The following CATSPERD variants were observed in gnomAD, a reference collection of about 807,000 sequenced individuals.
The protein encoded by CATSPERD is cation channel sperm-associated auxiliary subunit delta.
CATSPERD carries 86 observed loss-of-function variants against 98.1 expected under a neutral mutation model. That is an observed-to-expected ratio of 0.88 (90% CI 0.74 to 1.05). The LOEUF is 1.05. Ranked by LOEUF, CATSPERD falls within the 50% of genes least tolerant of loss-of-function variation. The probability of loss-of-function intolerance (pLI) is 0.00; values close to 1 mark genes in which losing one functional copy is unlikely to be tolerated. For synonymous variants in CATSPERD, 394 were observed against 390.2 expected, an observed-to-expected ratio of 1.01 and a Z score of -0.12; for missense variants, 995 against 1,005.7, an observed-to-expected ratio of 0.99 and a Z score of 0.14.
chr19:5,776,789 G>A (rs966135476), intron 21 of CATSPERD, among the ~76,000 whole-genome samples: 7 of 151,576 alleles, frequency 4.6e-5, no homozygotes, highest in East Asian at 3.9e-4. Flanking sequence ...CAGGAGAATC[G>A]CTTGAACCCG....
intron 20 of CATSPERD, among the ~76,000 whole-genome samples, chr19:5,773,167 C>T (rs1412515357): frequency 6.6e-6 from 1 of 152,254 alleles, no homozygotes; most frequent in Non-Finnish European, 1.5e-5. Flanking sequence ...GCCTGGCTAA[C>T]ATGGCAAAAG....
intron 2 of CATSPERD, 38 bp downstream of exon 2, chr19:5,724,900 G>T (rs1054362102): frequency 1.9e-6 from 3 of 1,598,314 alleles, no homozygotes; most frequent in Admixed American, 1.7e-5. Context: ...CTTCACTTTT[G>T]TCTAAGTACA....
intron 13 of CATSPERD, among the ~76,000 whole-genome samples, chr19:5,755,891 G>A (rs2056315648): frequency 1.3e-5 from 2 of 152,160 alleles, no homozygotes; most frequent in South Asian, 4.1e-4. Context: ...TGAGGCAGGA[G>A]GATCACTTGA....
At chr19:5,748,037 C>T (rs574169323) in intron 9 of CATSPERD, 123 bp from the exon 10 acceptor site, 5 of 698,640 alleles carry the variant, frequency 7.2e-6, no homozygotes, top group African/African-American at 5.3e-5. Flanking sequence ...CTATAAGGAA[C>T]ATCGAAAGAG....
intron 7 of CATSPERD, 58 bp from the exon 8 acceptor site, chr19:5,744,369 G>T: frequency 7.1e-7 from 1 of 1,406,680 alleles, no homozygotes; most frequent in Non-Finnish European, 9.9e-7. Flanking sequence ...AAGTTAAACC[G>T]ACAAACACAT....
At chr19:5,724,543 T>C (rs1263231002) in intron 1 of CATSPERD, among the ~76,000 whole-genome samples, 3 of 151,894 alleles carry the variant, frequency 2.0e-5, no homozygotes, top group Non-Finnish European at 4.4e-5. Flanking sequence ...ACTAAAAATA[T>C]AAAAAATTAG....
At chr19:5,763,380 G>A in intron 16 of CATSPERD, 87 bp downstream of exon 16, 2 of 1,052,692 alleles carry the variant, frequency 1.9e-6, no homozygotes, top group African/African-American at 1.6e-5. Flanking sequence ...AATGAGCTGA[G>A]ATAGTGCCAC....
At chr19:5,751,476 G>A (rs2056217817) in intron 11 of CATSPERD, among the ~76,000 whole-genome samples, 171 bp from the exon 12 acceptor site, 1 of 130,824 alleles carries the variant, frequency 7.6e-6, no homozygotes, top group Non-Finnish European at 1.6e-5. Flanking sequence ...GGAGCTTGCA[G>A]TGAACCGAGA....
chr19:5,759,058 C>G (rs761710672), intron 14 of CATSPERD, 28 bp from the exon 15 acceptor site: 1 of 1,607,880 alleles, frequency 6.2e-7, no homozygotes, highest in Admixed American at 1.7e-5. Context: ...CACGGATACA[C>G]TTGGGATTTT....
At chr19:5,729,360 A>G (rs1214467001) in intron 3 of CATSPERD, among the ~76,000 whole-genome samples, 1 of 152,064 alleles carries the variant, frequency 6.6e-6, no homozygotes, top group African/African-American at 2.4e-5. Context: ...TTGGCTTCCA[A>G]AGTGCTGGGA....
At chr19:5,754,806 C>G (rs1221878774) in intron 13 of CATSPERD, among the ~76,000 whole-genome samples, 1 of 151,918 alleles carries the variant, frequency 6.6e-6, no homozygotes, top group African/African-American at 2.4e-5. Context: ...TGTGCCTCCT[C>G]CATCCTTCTG....
chr19:5,775,278 T>C (rs201593404), intron 20 of CATSPERD: 53 of 471,202 alleles, frequency 1.1e-4, no homozygotes, highest in South Asian at 8.2e-4. Context: ...AGAAGAGAGC[T>C]CCCCGCTTCT....
rs2056354036 is a variant in CATSPERD, at chr19:5,757,789, C to T, written c.1279-54C>T. Reference sequence around the variant, plus strand: ...CTGGGCTCACTGTGGGGGTTTGTCACCCCGTCCTGCCTGCTGGCTCCGTAC... The same window carrying T: ...CTGGGCTCACTGTGGGGGTTTGTCATCCCGTCCTGCCTGCTGGCTCCGTAC... On this transcript the variant is annotated intron_variant, in intron 13 of 21. Coordinates refer to ENST00000381624, the MANE Select transcript of CATSPERD (RefSeq NM_152784.4). 7.0e-6 allele frequency: 10 copies of T among 1,434,448 alleles called. No homozygotes were observed. In the South Asian group the frequency reaches 7.1e-5, roughly 10 times the overall value. The allele number at this position is 1,434,448 out of a possible 1,614,324, so 88.9% of individuals were successfully genotyped here.
intron 16 of CATSPERD, among the ~76,000 whole-genome samples, chr19:5,765,501 G>T (rs1480621353): frequency 6.6e-6 from 1 of 151,820 alleles, no homozygotes; most frequent in Non-Finnish European, 1.5e-5. Context: ...GTGTACCAGG[G>T]ATCATGCTGG....
intron 7 of CATSPERD, among the ~76,000 whole-genome samples, chr19:5,742,248 A>G (rs1410791018): frequency 5.3e-4 from 62 of 117,408 alleles, no homozygotes; most frequent in African/African-American, 1.4e-3. Context: ...ACGTATGTGA[A>G]TGTGTGTGGG....
At position 5,778,484 on chromosome 19, in the gene CATSPERD, G is replaced by A. The variant is rs768531002; in HGVS notation, c.2205G>A (p.Gly735=). The A allele has an allele frequency of 1.4e-5, 22 of 1,613,912 alleles. No homozygotes were observed. The highest frequency in any genetic ancestry group is 1.6e-5 in the Non-Finnish European group (19 of 1,180,040). The change falls in exon 22 of 22, where the codon GGG becomes GGA. Residue 735 remains glycine (G), a synonymous_variant. Transcript: ENST00000381624. ...TACTGATCATCTCCAGCATCCTGGG[G>A]TCCGTTTGGCTGGCCTACAAGACCC... ...VILLIISSIL[G]SVWLAYKTPK... is the part of the protein sequence containing the mutation.
intron 9 of CATSPERD, among the ~76,000 whole-genome samples, chr19:5,747,423 C>T (rs1369954140): frequency 1.3e-5 from 2 of 151,988 alleles, no homozygotes; most frequent in African/African-American, 2.4e-5. Context: ...TGGCCTCAGC[C>T]TCCCAAAGTT....
Position 5,772,914 on chromosome 19 carries a change from C to T in CATSPERD, c.1890C>T (p.Asn630=), listed in dbSNP as rs368248991. The change falls in exon 20 of 22, where the codon AAC becomes AAT. Residue 630 remains asparagine (N), a synonymous_variant. Coordinates refer to ENST00000381624, the MANE Select transcript of CATSPERD (RefSeq NM_152784.4). ...QSAMCTSQPQ[N]WTTMIKEFGG... is the part of the protein sequence containing the mutation. Reference sequence around the variant, plus strand: ...CCATGTGTACCTCCCAGCCGCAGAACTGGACCACCATGATAAAGGAATTCG... The same window carrying T: ...CCATGTGTACCTCCCAGCCGCAGAATTGGACCACCATGATAAAGGAATTCG... 14 of 1,614,030 alleles carry T rather than the reference C, an allele frequency of 8.7e-6. No homozygotes were observed. In the African/African-American group the frequency reaches 1.7e-4, roughly 20 times the overall value.
At position 5,770,426 on chromosome 19, in the gene CATSPERD, G is replaced by A. The variant is rs1303911448; in HGVS notation, c.1635-518G>A. Among the ~76,000 whole-genome samples, 11 of 138,788 alleles carry A rather than the reference G, an allele frequency of 7.9e-5. 1 individual carries two copies. The highest frequency in any genetic ancestry group is 6.8e-4 in the South Asian group (3 of 4,390). 91.1% of individuals were successfully genotyped at this position (138,788 alleles called of 152,430 possible). On this transcript the variant is annotated intron_variant, in intron 18 of 21. Coordinates refer to ENST00000381624, the MANE Select transcript of CATSPERD (RefSeq NM_152784.4). ...GCCTGGGCAACAAGAATGAAACTCC[G>A]TCTCAAAAAAAAAAAAAAAAGGCAA...
Sources: allele counts gnomAD v4.1 joint callset (sites outside exome capture counted in the v4.1 genomes callset), GRCh38; gene constraint gnomAD v4.1.1; transcripts MANE v1.5; gene names NCBI Gene and HGNC (gene_info 2026-07-23, HGNC 2026-07-21).